The following TAFA4 variants were observed in gnomAD, a reference collection of about 807,000 sequenced individuals.
The protein encoded by TAFA4 is TAFA chemokine like family member 4, also known as chemokine-like protein TAFA-4.
A neutral mutation model predicts 21.1 loss-of-function variants in TAFA4; 20 were observed. The observed-to-expected ratio is 0.95, with a 90% CI of 0.67 to 1.38. TAFA4 has a LOEUF of 1.38. Among genes scored for constraint, TAFA4 ranks in the 40% most tolerant of loss-of-function variants. TAFA4 has a pLI of 0.00. For synonymous variants in TAFA4, 71 were observed against 67.4 expected (o/e 1.05, Z -0.26); for missense variants, 211 against 180.9 (o/e 1.17, Z -0.95).
chr3:68,770,460 G>A (rs1575601911), intron 3 of TAFA4, among the ~76,000 whole-genome samples: 1 of 152,182 alleles, frequency 6.6e-6, no homozygotes, highest in African/African-American at 2.4e-5. Context: ...ATAAGCAAAG[G>A]CTGGTTTTAT....
chr3:68,837,908 T>C (rs1345275471), intron 3 of TAFA4, among the ~76,000 whole-genome samples: 1 of 152,106 alleles, frequency 6.6e-6, no homozygotes, highest in Non-Finnish European at 1.5e-5. Flanking sequence ...AAAATTCAAC[T>C]ATATCTATGG....
At chr3:68,840,286 C>T (rs1242184587) in intron 3 of TAFA4, among the ~76,000 whole-genome samples, 2 of 152,224 alleles carry the variant, frequency 1.3e-5, no homozygotes, top group Non-Finnish European at 2.9e-5. Flanking sequence ...CAGCTCACTG[C>T]AGCCCCGACC....
At chr3:68,843,292 A>G (rs535834866) in intron 3 of TAFA4, among the ~76,000 whole-genome samples, 9 of 152,270 alleles carry the variant, frequency 5.9e-5, no homozygotes, top group African/African-American at 1.4e-4. Context: ...CTTTGAGGCA[A>G]TTGTGAATGG....
At chr3:68,831,015 G>GT (rs1704374405) in intron 3 of TAFA4, among the ~76,000 whole-genome samples, 1 of 152,188 alleles carries the variant, frequency 6.6e-6, no homozygotes, top group African/African-American at 2.4e-5. Flanking sequence ...TGCAACCCCT[G>GT]TTTTTTTCTG....
At chr3:68,741,647 C>G (rs1382297818) in intron 4 of TAFA4, among the ~76,000 whole-genome samples, 2 of 151,912 alleles carry the variant, frequency 1.3e-5, no homozygotes, top group Non-Finnish European at 2.9e-5. Flanking sequence ...AAAAAAAAGC[C>G]AGGCGTGGTG....
At chr3:68,784,119 C>T (rs1196482789) in intron 3 of TAFA4, among the ~76,000 whole-genome samples, 2 of 152,196 alleles carry the variant, frequency 1.3e-5, no homozygotes, top group Non-Finnish European at 2.9e-5. Context: ...AAAAGATGCT[C>T]AACCTCACTA....
chr3:68,834,674 C>G (rs1704480383), intron 3 of TAFA4, among the ~76,000 whole-genome samples: 1 of 152,130 alleles, frequency 6.6e-6, no homozygotes, highest in Non-Finnish European at 1.5e-5. Context: ...TCAGAAACAA[C>G]AACCCCTTCT....
Position 68,898,147 on chromosome 3 carries a change from A to G in TAFA4, c.-122-12837T>C, listed in dbSNP as rs534394989. 4.6e-5 allele frequency among the ~76,000 whole-genome samples: 7 copies of G among 152,320 alleles called. No homozygotes were observed. In the East Asian group the frequency reaches 1.2e-3, roughly 25 times the overall value. ...ATGGGAAAGGACCCCAAGGAGATAC[A>G]TTTTATAGCTTGAGCAAAGGTCAGT... On this transcript the variant is annotated intron_variant, in intron 1 of 5. Coordinates refer to ENST00000295569, the MANE Select transcript of TAFA4 (RefSeq NM_182522.5).
chr3:68,930,989 G>A (rs912046171), intron 1 of TAFA4, among the ~76,000 whole-genome samples: 3 of 152,180 alleles, frequency 2.0e-5, no homozygotes, highest in Admixed American at 6.5e-5. Flanking sequence ...CCTCCTCAGC[G>A]AGTGTTCTAG....
intron 3 of TAFA4, among the ~76,000 whole-genome samples, chr3:68,835,757 A>C (rs2106885575): frequency 6.6e-6 from 1 of 152,332 alleles, no homozygotes; most frequent in Non-Finnish European, 1.5e-5. Flanking sequence ...GAAATCTGTA[A>C]GACTCCTCAA....
chr3:68,920,386 G>A (rs1166002165), intron 1 of TAFA4, among the ~76,000 whole-genome samples: 2 of 152,076 alleles, frequency 1.3e-5, no homozygotes, highest in African/African-American at 2.4e-5. Flanking sequence ...TTTAAATAAA[G>A]TTAAATGCCA....
At chr3:68,847,201 C>G (rs931567351) in intron 3 of TAFA4, among the ~76,000 whole-genome samples, 2 of 152,230 alleles carry the variant, frequency 1.3e-5, no homozygotes, top group African/African-American at 4.8e-5. Context: ...GCCTTTCTTT[C>G]AGAGATGCCC....
chr3:68,759,512 C>G (rs773848429), intron 3 of TAFA4, among the ~76,000 whole-genome samples: 1 of 152,126 alleles, frequency 6.6e-6, no homozygotes, highest in Non-Finnish European at 1.5e-5. Flanking sequence ...GGGGGGATGC[C>G]TTGTTCAATA....
At chr3:68,900,648 G>A (rs756626667) in intron 1 of TAFA4, among the ~76,000 whole-genome samples, 18 of 152,118 alleles carry the variant, frequency 1.2e-4, no homozygotes, top group Admixed American at 3.9e-4. Flanking sequence ...CTGGAGCTCC[G>A]TGAGGGCAAA....
At chr3:68,751,713 C>T (rs1702558779) in intron 4 of TAFA4, among the ~76,000 whole-genome samples, 1 of 152,072 alleles carries the variant, frequency 6.6e-6, no homozygotes, top group Non-Finnish European at 1.5e-5. Context: ...TTTATCCAGC[C>T]TTATCCCATG....
At chr3:68,861,193 A>G (rs115864626) in intron 3 of TAFA4, among the ~76,000 whole-genome samples, 569 of 151,812 alleles carry the variant, frequency 3.7e-3, no homozygotes, top group Non-Finnish European at 6.8e-3. Context: ...TGGGGAGCTG[A>G]AGCAACCTAA....
rs186579352 is a variant in TAFA4 at position 68,777,509 on chromosome 3, A to C, written c.131-24491T>G. Among the ~76,000 whole-genome samples, 534 of 152,260 alleles carry C rather than the reference A, an allele frequency of 3.5e-3. 4 individuals are homozygous for C. The highest frequency in any genetic ancestry group is 5.7e-3 in the Non-Finnish European group (390 of 67,976). On this transcript the variant is annotated intron_variant, in intron 3 of 5. Transcript: ENST00000295569. ...ATTAATTAAAAATTTAAATTTAAGCAGCTACATAGGGATAGTGCCTGCCTT... is the reference window on the plus strand; with the variant it reads ...ATTAATTAAAAATTTAAATTTAAGCCGCTACATAGGGATAGTGCCTGCCTT...
chr3:68,793,865 T>C (rs192832685), intron 3 of TAFA4, among the ~76,000 whole-genome samples: 1 of 152,208 alleles, frequency 6.6e-6, no homozygotes, highest in Non-Finnish European at 1.5e-5. Flanking sequence ...ATATAATAAC[T>C]CAAGATGTAA....
intron 3 of TAFA4, among the ~76,000 whole-genome samples, chr3:68,862,532 T>C (rs1284783113): frequency 1.3e-5 from 2 of 152,086 alleles, no homozygotes; most frequent in African/African-American, 4.8e-5. Context: ...GTTTAGCACA[T>C]AACATGGGAT....
Sources: allele counts gnomAD v4.1 joint callset (sites outside exome capture counted in the v4.1 genomes callset), GRCh38; gene constraint gnomAD v4.1.1; transcripts MANE v1.5; gene names NCBI Gene and HGNC (gene_info 2026-07-23, HGNC 2026-07-21).